Variants in CPNE5 observed in about 807,000 individuals in gnomAD.
CPNE5 encodes copine-5.
Under a neutral mutation model 81.1 loss-of-function variants are expected in CPNE5, and 42 were observed. The ratio of observed to expected loss-of-function variants is 0.52; its 90% CI spans 0.40 to 0.67. CPNE5 has a LOEUF of 0.67. CPNE5 is among the 30% of genes least tolerant of loss of function. CPNE5 has a pLI of 0.00. For synonymous variants in CPNE5, 313 were observed against 321.5 expected, an observed-to-expected ratio of 0.97 and a Z score of 0.28; for missense variants, 612 against 815.5, an observed-to-expected ratio of 0.75 and a Z score of 3.04.
intron 8 of CPNE5, among the ~76,000 whole-genome samples, chr6:36,786,534 C>A (rs1164563418): frequency 1.3e-5 from 2 of 152,168 alleles, no homozygotes; most frequent in African/African-American, 2.4e-5. Flanking sequence ...ACTCACCGAG[C>A]CTGTGTTTCT....
intron 8 of CPNE5, among the ~76,000 whole-genome samples, chr6:36,780,703 G>A (rs1211668046): frequency 1.3e-5 from 2 of 152,048 alleles, no homozygotes; most frequent in African/African-American, 4.8e-5. Context: ...GCCTTCCCTC[G>A]GGGACATCTG....
intron 1 of CPNE5, among the ~76,000 whole-genome samples, chr6:36,829,152 T>C (rs236363): frequency 0.8 from 121,286 of 151,994 alleles, 48,605 homozygotes; most frequent in South Asian, 0.9. Flanking sequence ...ACTGGTTGCA[T>C]AGCCTTCCTT....
intron 3 of CPNE5, 34 bp from the exon 4 acceptor site, chr6:36,800,104 C>T (rs372193657): frequency 2.7e-5 from 42 of 1,543,460 alleles, no homozygotes; most frequent in Admixed American, 2.4e-4. Context: ...ACCTCAGGGC[C>T]GGGCTGGTGG....
At position 36,766,516 on chromosome 6, in the gene CPNE5, T is replaced by C. The variant is rs1562113711; in HGVS notation, c.738-1140A>G. Among the ~76,000 whole-genome samples the C allele has an allele frequency of 6.6e-6, 1 of 152,320 alleles. No homozygotes were observed. Among genetic ancestry groups the C allele is most frequent in the East Asian group, 1.9e-4 (1 of 5,188 alleles). On this transcript the variant is annotated intron_variant, in intron 10 of 20. Transcript: ENST00000244751. The surrounding 1 kb of genome is among the most constrained non-coding windows in gnomAD (Gnocchi z 4.2). ...AAGCCCACCATTTAAAGGAATCCTTTAGATTCTTGTGAAAAACAAAAAACC... is the reference window on the plus strand; with the variant it reads ...AAGCCCACCATTTAAAGGAATCCTTCAGATTCTTGTGAAAAACAAAAAACC...
intron 10 of CPNE5, among the ~76,000 whole-genome samples, chr6:36,773,217 G>A (rs948979104): frequency 1.3e-5 from 2 of 152,052 alleles, no homozygotes; most frequent in African/African-American, 2.4e-5. Flanking sequence ...CTGTCGGAGT[G>A]GCCCAGAGGC....
At chr6:36,773,959 G>A (rs985650671) in intron 10 of CPNE5, among the ~76,000 whole-genome samples, 3 of 151,756 alleles carry the variant, frequency 2.0e-5, no homozygotes, top group African/African-American at 4.8e-5. Flanking sequence ...CCAGCTACTC[G>A]GGAGGCTGAG....
chr6:36,822,867 A>C (rs1772177848), intron 2 of CPNE5, among the ~76,000 whole-genome samples, 191 bp downstream of exon 2: 1 of 152,166 alleles, frequency 6.6e-6, no homozygotes, highest in Non-Finnish European at 1.5e-5. Context: ...ACAAGCGTGC[A>C]GGCTGGGAAG....
At chr6:36,836,921 G>A (rs1336412756) in intron 1 of CPNE5, among the ~76,000 whole-genome samples, 1 of 151,998 alleles carries the variant, frequency 6.6e-6, no homozygotes, top group African/African-American at 2.4e-5. Flanking sequence ...CCCACCTCTG[G>A]CTTTCTGGAG....
chr6:36,752,483 C>T (rs1254047896), intron 14 of CPNE5: 1 of 152,438 alleles, frequency 6.6e-6, no homozygotes, highest in Non-Finnish European at 1.5e-5. Flanking sequence ...TTACAGGGCC[C>T]TAATAACAGT....
At chr6:36,786,308 C>A (rs1768546780) in intron 8 of CPNE5, among the ~76,000 whole-genome samples, 1 of 152,154 alleles carries the variant, frequency 6.6e-6, no homozygotes, top group African/African-American at 2.4e-5. Context: ...GAACACCCCA[C>A]AGGCTGGAGG....
At chr6:36,810,401 G>A (rs1044714411) in intron 3 of CPNE5, among the ~76,000 whole-genome samples, 1 of 152,206 alleles carries the variant, frequency 6.6e-6, no homozygotes, top group African/African-American at 2.4e-5. Context: ...TAAAAGCCTC[G>A]CTGCAGAGCC....
intron 1 of CPNE5, among the ~76,000 whole-genome samples, chr6:36,829,434 T>A (rs111760971): frequency 0.047 from 7,167 of 152,014 alleles, 351 homozygotes; most frequent in African/African-American, 0.12. Context: ...GAGGTCAAGG[T>A]TGCAGTGAGC....
chr6:36,771,958 C>T (rs916443789), intron 10 of CPNE5, among the ~76,000 whole-genome samples: 3 of 152,092 alleles, frequency 2.0e-5, no homozygotes, highest in Admixed American at 6.5e-5. Context: ...CATCCTGCAG[C>T]GAGATGAGGC....
chr6:36,779,195 G>T (rs765778303), intron 8 of CPNE5, among the ~76,000 whole-genome samples: 7 of 152,216 alleles, frequency 4.6e-5, no homozygotes, highest in African/African-American at 7.2e-5. Flanking sequence ...CACTTCCTCT[G>T]TGTGAACTTG....
rs1769417603 is a variant in CPNE5 at position 36,794,717 on chromosome 6, A to C, written c.405-68T>G. 2.1e-6 allele frequency: 3 copies of C among 1,425,028 alleles called. No homozygotes were observed. The Admixed American group carries it at 5.4e-5, about 26-fold the overall frequency. 88.3% of individuals were successfully genotyped at this position (1,425,028 alleles called of 1,614,324 possible). A position where few individuals can be genotyped will look rare whatever the true frequency, so the allele number is the denominator to read the frequency against. On this transcript the variant is annotated intron_variant, in intron 6 of 20. Coordinates refer to ENST00000244751, the MANE Select transcript of CPNE5 (RefSeq NM_020939.2). Reference sequence around the variant, plus strand: ...TACCCCCACCCAGACAGGCCAGCGCACTTGGCATCCAGATGCTTGGAGACA... The same window carrying C: ...TACCCCCACCCAGACAGGCCAGCGCCCTTGGCATCCAGATGCTTGGAGACA...
chr6:36,753,212 T>C (rs1765037460), intron 13 of CPNE5, 117 bp from the exon 14 acceptor site: 1 of 742,672 alleles, frequency 1.3e-6, no homozygotes, highest in Admixed American at 2.0e-5. Flanking sequence ...CATGCATGAC[T>C]GCATGCACTG....
chr6:36,771,416 A>G (rs1297342353), intron 10 of CPNE5, among the ~76,000 whole-genome samples: 2 of 152,242 alleles, frequency 1.3e-5, no homozygotes, highest in East Asian at 1.9e-4. Context: ...CCTTACCTGT[A>G]AAATGTGGCT....
At chr6:36,775,694 C>T (rs1297923917) in intron 9 of CPNE5, among the ~76,000 whole-genome samples, 1 of 152,198 alleles carries the variant, frequency 6.6e-6, no homozygotes, top group Non-Finnish European at 1.5e-5. Context: ...CCCCTAGACT[C>T]CTCCCAGACT....
intron 4 of CPNE5, among the ~76,000 whole-genome samples, chr6:36,799,076 C>CTCACCGGGGGCCTGA (rs1293062659): frequency 3.3e-5 from 5 of 152,266 alleles, no homozygotes; most frequent in African/African-American, 1.2e-4. Flanking sequence ...CTGGGGCCTG[C>CTCACCGGGGGCCTGA]TCACCGGGGG....
Sources: allele counts gnomAD v4.1 joint callset (sites outside exome capture counted in the v4.1 genomes callset), GRCh38; gene constraint gnomAD v4.1.1; non-coding constraint Gnocchi (gnomAD v3.1); transcripts MANE v1.5; gene names NCBI Gene and HGNC (gene_info 2026-07-23, HGNC 2026-07-21).